The following HTR1F variants were observed in gnomAD, a reference collection of about 807,000 sequenced individuals.
The protein encoded by HTR1F is 5-hydroxytryptamine (serotonin) receptor 1F, G protein-coupled.
In HTR1F, 17 loss-of-function variants were observed where a neutral mutation model predicts 24.0. That is an observed-to-expected ratio of 0.71 (90% CI 0.48 to 1.06). HTR1F has a LOEUF of 1.06. HTR1F is among the 50% of genes least tolerant of loss of function. HTR1F has a pLI of 0.00. For synonymous variants in HTR1F, 186 were observed against 156.8 expected (o/e 1.19, Z -1.39); for missense variants, 391 against 427.8 (o/e 0.91, Z 0.76).
At chr3:87,810,042 A>C (rs1260956149) in intron 1 of HTR1F, among the ~76,000 whole-genome samples, 2 of 152,092 alleles carry the variant, frequency 1.3e-5, no homozygotes, top group Non-Finnish European at 2.9e-5. Flanking sequence ...TACCTGATCA[A>C]ACAAGTTTCA....
intron 2 of HTR1F, among the ~76,000 whole-genome samples, chr3:87,890,261 C>T (rs1706046970): frequency 6.6e-6 from 1 of 152,160 alleles, no homozygotes; most frequent in Admixed American, 6.5e-5. Flanking sequence ...ACAAGTTACT[C>T]TTATTTTTGC....
intron 2 of HTR1F, among the ~76,000 whole-genome samples, chr3:87,977,958 C>T (rs1318609790): frequency 6.6e-6 from 1 of 152,168 alleles, no homozygotes; most frequent in Non-Finnish European, 1.5e-5. Context: ...GCTACTGGCC[C>T]AGATCCCATG....
At chr3:87,971,380 C>A (rs1705282409) in intron 2 of HTR1F, among the ~76,000 whole-genome samples, 1 of 152,036 alleles carries the variant, frequency 6.6e-6, no homozygotes, top group South Asian at 2.1e-4. Context: ...TTAGCCTGGG[C>A]AACATGATAA....
intron 2 of HTR1F, among the ~76,000 whole-genome samples, chr3:87,939,003 A>G (rs1384220337): frequency 6.6e-6 from 1 of 152,236 alleles, no homozygotes; most frequent in African/African-American, 2.4e-5. Flanking sequence ...AATAACCTAC[A>G]GAAAATATTT....
At chr3:87,899,043 A>G (rs1706264128) in intron 2 of HTR1F, among the ~76,000 whole-genome samples, 1 of 152,202 alleles carries the variant, frequency 6.6e-6, no homozygotes, top group Admixed American at 6.5e-5. Flanking sequence ...TGCTCCAGGA[A>G]GTAAGCATTG....
At chr3:87,938,292 TACAA>T (rs992767470) in intron 2 of HTR1F, among the ~76,000 whole-genome samples, 2 of 152,102 alleles carry the variant, frequency 1.3e-5, no homozygotes, top group South Asian at 2.1e-4. Context: ...TCGGAGATGA[TACAA>T]ACAAATGGAA....
chr3:87,931,892 G>T (rs1704282540), intron 2 of HTR1F, among the ~76,000 whole-genome samples: 1 of 150,536 alleles, frequency 6.6e-6, no homozygotes, highest in African/African-American at 2.4e-5. Context: ...TTTTGATGGG[G>T]TTGTTTTTTT....
At chr3:87,902,363 G>C (rs1255286955) in intron 2 of HTR1F, among the ~76,000 whole-genome samples, 2 of 151,928 alleles carry the variant, frequency 1.3e-5, no homozygotes, top group East Asian at 3.9e-4. Flanking sequence ...AATTTCATTG[G>C]GGAGGAATAT....
At chr3:87,967,289 A>C (rs898995806) in intron 2 of HTR1F, among the ~76,000 whole-genome samples, 2 of 152,054 alleles carry the variant, frequency 1.3e-5, no homozygotes, top group African/African-American at 4.8e-5. Context: ...GTCTCCACTA[A>C]AAATACAAAA....
intron 2 of HTR1F, among the ~76,000 whole-genome samples, chr3:87,867,747 T>C (rs769329033): frequency 1.3e-5 from 2 of 152,132 alleles, no homozygotes; most frequent in Non-Finnish European, 2.9e-5. Context: ...AGTGTTCTAA[T>C]TTTCTTCACT....
At chr3:87,847,848 A>G (rs2107195538) in intron 2 of HTR1F, among the ~76,000 whole-genome samples, 1 of 151,942 alleles carries the variant, frequency 6.6e-6, no homozygotes, top group African/African-American at 2.4e-5. Flanking sequence ...CTTCAGTTCT[A>G]TTCATATTGC....
chr3:87,981,670 ACAGT>A (rs1335874668), intron 2 of HTR1F, among the ~76,000 whole-genome samples: 3 of 152,214 alleles, frequency 2.0e-5, no homozygotes, highest in South Asian at 2.1e-4. Flanking sequence ...GGTTTCAGCA[ACAGT>A]CAAACAAAGC....
intron 2 of HTR1F, among the ~76,000 whole-genome samples, chr3:87,936,039 G>A (rs1321175019): frequency 6.6e-6 from 1 of 152,030 alleles, no homozygotes; most frequent in African/African-American, 2.4e-5. Context: ...TTGTAGAGAT[G>A]GGATTTCACC....
At position 87,946,748 on chromosome 3, in the gene HTR1F, C is replaced by T. The variant is rs140216287; in HGVS notation, c.-42-43960C>T. ...CCAAGCTATTCTCCTGCCTCAGCCT[C>T]CTGAGAAGCTGGGGTTACAGGCGCG... On this transcript the variant is annotated intron_variant, in intron 2 of 2. Coordinates refer to ENST00000319595, the MANE Select transcript of HTR1F (RefSeq NM_001322209.2). Among the ~76,000 whole-genome samples the T allele has an allele frequency of 3.4e-4, 51 of 151,962 alleles. 1 individual carries two copies. The East Asian group carries it at 8.9e-3, about 27-fold the overall frequency.
intron 2 of HTR1F, among the ~76,000 whole-genome samples, chr3:87,932,955 T>C (rs1297580379): frequency 4.0e-5 from 6 of 149,694 alleles, no homozygotes; most frequent in Non-Finnish European, 7.4e-5. Context: ...AAATCCTCAA[T>C]AAAATACTGG....
rs180793593 is a variant in HTR1F, at chr3:87,990,859, C to T, written c.110C>T (p.Thr37Ile). 6.2e-7 allele frequency: 1 copy of T among 1,614,184 alleles called. No individual in the cohort carries two copies. Among genetic ancestry groups the T allele is most frequent in the Non-Finnish European group, 8.5e-7 (1 of 1,180,020 alleles). Residue 37 changes from threonine (T) to isoleucine (I), a missense_variant, in exon 3 of 3, where the codon ACA (threonine) becomes ATA (isoleucine). By Grantham distance (89) the Thr-to-Ile change is moderately conservative. Coordinates refer to ENST00000319595, the MANE Select transcript of HTR1F (RefSeq NM_001322209.2). ...ACTCTGTCTGGGCTGGCACTGATGA[C>T]AACAACTATCAACTCCCTTGTGATC... is the stretch of plus-strand genomic sequence containing the variant. ...SLTLSGLALM[T>I]TTINSLVIAA...
intron 2 of HTR1F, among the ~76,000 whole-genome samples, chr3:87,839,217 G>A (rs1380366327): frequency 1.3e-5 from 2 of 151,832 alleles, no homozygotes; most frequent in Non-Finnish European, 1.5e-5. Flanking sequence ...TTATGTTTAA[G>A]TCACTAATTC....
At chr3:87,815,284 A>T (rs1704229670) in intron 1 of HTR1F, among the ~76,000 whole-genome samples, 1 of 151,890 alleles carries the variant, frequency 6.6e-6, no homozygotes, top group South Asian at 2.1e-4. Flanking sequence ...ATTGTGGGTG[A>T]ATCAAATATA....
At chr3:87,822,686 C>T (rs1704382579) in intron 2 of HTR1F, among the ~76,000 whole-genome samples, 1 of 152,134 alleles carries the variant, frequency 6.6e-6, no homozygotes, top group Non-Finnish European at 1.5e-5. Context: ...GCTCAGGTTG[C>T]TTATTGCCCA....
Sources: gnomAD v4.1 joint callset for allele counts (sites outside exome capture counted in the v4.1 genomes callset) on GRCh38, gnomAD v4.1.1 for gene constraint, MANE v1.5 for transcripts, NCBI Gene and HGNC (gene_info 2026-07-23, HGNC 2026-07-21) for gene names.